The following HOGA1 variants were observed in gnomAD, a reference collection of about 807,000 sequenced individuals.
The protein encoded by HOGA1 is 4-hydroxy-2-oxoglutarate aldolase 1, also known as 4-hydroxy-2-oxoglutarate aldolase, mitochondrial.
Under a neutral mutation model 34.3 loss-of-function variants are expected in HOGA1, and 30 were observed. The ratio of observed to expected loss-of-function variants is 0.87; its 90% CI spans 0.65 to 1.19. HOGA1 has a LOEUF of 1.19. Among genes scored for constraint, HOGA1 ranks in the 50% most tolerant of loss-of-function variants. HOGA1 has a pLI of 0.00. For synonymous variants in HOGA1, 161 were observed against 174.0 expected (o/e 0.93, Z 0.59); for missense variants, 417 against 436.5 (o/e 0.96, Z 0.40).
In HOGA1 at chr10:97,603,759, A is replaced by G. The variant is rs913005182; in HGVS notation, c.834+1769A>G. ...TGTGCTTTTAGTGAAGACGGGTTTC[A>G]CCATGTTGGCCAGGCTGGCCTCGAA... is the stretch of plus-strand genomic sequence containing the variant. On this transcript the variant is annotated intron_variant, in intron 6 of 6. Transcript: ENST00000370646. This position sits in a 1 kb window ranked among gnomAD's most constrained non-coding sequence, Gnocchi z 4.5. 2.0e-5 allele frequency among the ~76,000 whole-genome samples: 3 copies of G among 151,500 alleles called. No individual in the cohort carries two copies. The highest frequency in any genetic ancestry group is 4.4e-5 in the Non-Finnish European group (3 of 67,912).
chr10:97,598,828 C>T lies in HOGA1; in HGVS notation c.265C>T (p.Arg89Cys), dbSNP rs1015514583. The T allele has an allele frequency of 4.3e-6, 7 of 1,614,016 alleles. No homozygotes were observed. The highest frequency in any genetic ancestry group is 2.2e-5 in the East Asian group (1 of 44,894). Reference protein sequence around the residue: ...GEFPFLTSSERLEVVSRVRQA... With the variant: ...GEFPFLTSSECLEVVSRVRQA... ...GTTTCCTTTCCTGACCAGCAGTGAG[C>T]GCCTCGAGGTGGTGAGCCGTGTGCG... is the stretch of plus-strand genomic sequence containing the variant. The change falls in exon 2 of 7, where the codon CGC (arginine) becomes TGC (cysteine). Residue 89 changes from arginine (R) to cysteine (C), a missense_variant. Transcript: ENST00000370646.
rs1169191059 is a variant in HOGA1 at position 97,593,029 on chromosome 10, CAAA to C, written c.212-5726_212-5724del. Among the ~76,000 whole-genome samples, 50 of 47,796 alleles carry C rather than the reference CAAA, an allele frequency of 1.0e-3. 1 individual carries two copies. Among genetic ancestry groups the C allele is most frequent in the South Asian group, 3.1e-3 (3 of 964 alleles). 31.4% of individuals were successfully genotyped at this position (47,796 alleles called of 152,430 possible). On this transcript the variant is annotated intron_variant, in intron 1 of 6. Coordinates refer to ENST00000370646, the MANE Select transcript of HOGA1 (RefSeq NM_138413.4). ...TGGGCGACAGAGTGAGACTCTGTCTCAAAAAAAAAAAAAAAAAAAAAAGAGAAT... is the reference window on the plus strand; with the variant it reads ...TGGGCGACAGAGTGAGACTCTGTCTCAAAAAAAAAAAAAAAAAAAGAGAAT...
chr10:97,610,022 C>T (rs2041183670), intron 6 of HOGA1, among the ~76,000 whole-genome samples: 1 of 152,172 alleles, frequency 6.6e-6, no homozygotes, highest in Non-Finnish European at 1.5e-5. Context: ...TAGCTTCTCT[C>T]CAAATAAAAC....
At chr10:97,600,008 C>T (rs1395904094) in intron 4 of HOGA1, 59 bp from the exon 5 acceptor site, 86 of 1,544,314 alleles carry the variant, frequency 5.6e-5, no homozygotes, top group Non-Finnish European at 6.6e-5. Context: ...CACACTTACC[C>T]GGCCCTCATC....
chr10:97,601,698 G>T (rs1308776416), intron 5 of HOGA1, among the ~76,000 whole-genome samples, 159 bp from the exon 6 acceptor site: 1 of 152,208 alleles, frequency 6.6e-6, no homozygotes, highest in Non-Finnish European at 1.5e-5. Flanking sequence ...CTCTGGAAAT[G>T]TATACTCTGG....
In HOGA1 at chr10:97,595,741, T is replaced by G. The variant is rs563005493; in HGVS notation, c.212-3034T>G. 1.4e-4 allele frequency among the ~76,000 whole-genome samples: 21 copies of G among 152,342 alleles called. No individual in the cohort carries two copies. In the South Asian group the frequency reaches 4.3e-3, roughly 32 times the overall value. ...CTGAGAAAGGCACTAATATCATCAC[T>G]ATTTTTTAATTGAGTTAGCCTGGGC... On this transcript the variant is annotated intron_variant, in intron 1 of 6. Transcript: ENST00000370646.
At chr10:97,607,952 T>G (rs1378379569) in intron 6 of HOGA1, among the ~76,000 whole-genome samples, 1 of 152,238 alleles carries the variant, frequency 6.6e-6, no homozygotes, top group Non-Finnish European at 1.5e-5. Context: ...TTTCCTGGCT[T>G]TAATGGAAGC....
intron 1 of HOGA1, among the ~76,000 whole-genome samples, chr10:97,591,740 T>C: frequency 6.6e-6 from 1 of 151,746 alleles, no homozygotes; most frequent in Non-Finnish European, 1.5e-5. Flanking sequence ...TCCTCCCACC[T>C]CAGCTTCCCA....
intron 1 of HOGA1, among the ~76,000 whole-genome samples, chr10:97,596,746 G>C (rs2041075078): frequency 6.7e-6 from 1 of 148,838 alleles, no homozygotes; most frequent in Non-Finnish European, 1.5e-5. Context: ...TATCCAATGA[G>C]AGATATCCTG....
intron 1 of HOGA1, chr10:97,589,942 G>C: frequency 1.2e-6 from 2 of 1,613,952 alleles, no homozygotes; most frequent in South Asian, 2.2e-5. Flanking sequence ...AAACCTCTGA[G>C]TGTCCATCAG....
At chr10:97,601,215 G>A (rs2041113491) in intron 5 of HOGA1, among the ~76,000 whole-genome samples, 1 of 152,174 alleles carries the variant, frequency 6.6e-6, no homozygotes, top group Non-Finnish European at 1.5e-5. Context: ...ACTGTGCCTA[G>A]GGTTCCACTC....
At chr10:97,606,526 A>T (rs2041159605) in intron 6 of HOGA1, among the ~76,000 whole-genome samples, 1 of 151,980 alleles carries the variant, frequency 6.6e-6, no homozygotes, top group South Asian at 2.1e-4. Context: ...CCTCCATTGA[A>T]CTGCTTGCGT....
chr10:97,607,050 G>T (rs2041162777), intron 6 of HOGA1, among the ~76,000 whole-genome samples: 1 of 149,224 alleles, frequency 6.7e-6, no homozygotes, highest in African/African-American at 2.5e-5. Flanking sequence ...CGGCAGTATT[G>T]CTTGAGGCCA....
intron 1 of HOGA1, among the ~76,000 whole-genome samples, chr10:97,592,355 C>T (rs538636309): frequency 1.9e-3 from 288 of 151,552 alleles, no homozygotes; most frequent in Non-Finnish European, 3.3e-3. Context: ...ATTCTCCTGC[C>T]TCAGTCTCTC....
At chr10:97,590,629 G>T in intron 1 of HOGA1, 9 of 1,536,078 alleles carry the variant, frequency 5.9e-6, no homozygotes, top group South Asian at 1.2e-5. Flanking sequence ...CCCCAGCAAG[G>T]CTGGCTCACA....
intron 1 of HOGA1, chr10:97,589,623 T>C: frequency 1.5e-5 from 4 of 272,808 alleles, no homozygotes; most frequent in South Asian, 3.9e-5. Flanking sequence ...CCCACCCCAC[T>C]CTCCCCACCC....
Position 97,601,974 on chromosome 10 carries a change from T to G in HOGA1, c.818T>G (p.Ile273Ser). ...GCCCAGAAACTGCAGCACCGCCTCA[T>G]TGAGCCAAACGCTGCGGTGAGCCAG... ...EDAQKLQHRLIEPNAAVTRRF... is the reference protein window; with the variant it reads ...EDAQKLQHRLSEPNAAVTRRF... Residue 273 changes from isoleucine (I) to serine (S), a missense_variant, in exon 6 of 7, where the codon ATT becomes AGT. Ile to Ser is a moderately radical substitution (Grantham distance 142). Transcript: ENST00000370646. 1 of 1,612,660 alleles carries G rather than the reference T, an allele frequency of 6.2e-7. No homozygotes were observed. Among genetic ancestry groups the G allele is most frequent in the Non-Finnish European group, 8.5e-7 (1 of 1,179,650 alleles).
intron 5 of HOGA1, chr10:97,600,506 G>A (rs908016646): frequency 1.3e-5 from 5 of 394,846 alleles, no homozygotes; most frequent in African/African-American, 1.0e-4. Flanking sequence ...AGGCCCTGGG[G>A]CCCTCCTCTG....
rs565007098 is a variant in HOGA1, at chr10:97,590,266, G to A, written c.211+5352G>A. 1.1e-5 allele frequency: 18 copies of A among 1,613,746 alleles called. No individual in the cohort carries two copies. In the African/African-American group the frequency reaches 1.5e-4, roughly 13 times the overall value. On this transcript the variant is annotated intron_variant, in intron 1 of 6. Coordinates refer to ENST00000370646, the MANE Select transcript of HOGA1 (RefSeq NM_138413.4). ...AAGCCCCATCCACTGATGAGGCCACGTGGGCCGCTGTGGCTGCCTGCACCA... is the reference window on the plus strand; with the variant it reads ...AAGCCCCATCCACTGATGAGGCCACATGGGCCGCTGTGGCTGCCTGCACCA...
Sources: allele counts gnomAD v4.1 joint callset (sites outside exome capture counted in the v4.1 genomes callset), GRCh38; gene constraint gnomAD v4.1.1; non-coding constraint Gnocchi (gnomAD v3.1); transcripts MANE v1.5; gene names NCBI Gene and HGNC (gene_info 2026-07-23, HGNC 2026-07-21).